PTPRD: variants seen among roughly 807,000 people sequenced by gnomAD.
PTPRD encodes receptor-type tyrosine-protein phosphatase delta.
In PTPRD, 34 loss-of-function variants were observed where a neutral mutation model predicts 214.5. The ratio of observed to expected loss-of-function variants is 0.16; its 90% CI spans 0.12 to 0.21. PTPRD has a LOEUF of 0.21. PTPRD is among the 10% of genes least tolerant of loss of function. The pLI, the probability that PTPRD is intolerant of heterozygous loss-of-function variation, is 1.00. For missense variants in PTPRD, 2,545 were observed against 2,398.7 expected, an observed-to-expected ratio of 1.06 and a Z score of -1.27; for synonymous variants, 1,128 against 845.7, an observed-to-expected ratio of 1.33 and a Z score of -5.79.
intron 2 of PTPRD, among the ~76,000 whole-genome samples, chr9:10,504,532 A>T (rs1459081072): frequency 6.6e-6 from 1 of 152,178 alleles, no homozygotes; most frequent in Non-Finnish European, 1.5e-5. Flanking sequence ...TTGGAAGCAG[A>T]AGGGAGAGCC....
At chr9:10,201,895 T>G (rs1174887577) in intron 3 of PTPRD, among the ~76,000 whole-genome samples, 3 of 144,502 alleles carry the variant, frequency 2.1e-5, no homozygotes, top group Non-Finnish European at 3.0e-5. Flanking sequence ...CAATTTTCAG[T>G]AAACTTTTTT....
chr9:9,930,264 A>C (rs1479473434), intron 5 of PTPRD, among the ~76,000 whole-genome samples: 1 of 152,194 alleles, frequency 6.6e-6, no homozygotes, highest in Non-Finnish European at 1.5e-5. Context: ...TTAGAGTCAC[A>C]GAATTGGGAA....
At chr9:9,082,900 G>C (rs764595675) in intron 10 of PTPRD, among the ~76,000 whole-genome samples, 1 of 152,144 alleles carries the variant, frequency 6.6e-6, no homozygotes, top group Non-Finnish European at 1.5e-5. Context: ...GGAAAACAGA[G>C]AGGATACAAA....
At chr9:8,883,508 C>A (rs570356025) in intron 11 of PTPRD, among the ~76,000 whole-genome samples, 51 of 152,196 alleles carry the variant, frequency 3.4e-4, no homozygotes, top group Non-Finnish European at 6.8e-4. Context: ...ATGACAATTT[C>A]TTCCAAACAC....
At chr9:8,829,950 T>C (rs1184764996) in intron 11 of PTPRD, among the ~76,000 whole-genome samples, 2 of 152,238 alleles carry the variant, frequency 1.3e-5, no homozygotes, top group Non-Finnish European at 2.9e-5. Context: ...AACATTATTA[T>C]AATGTAGCTG....
chr9:10,087,068 A>G (rs2098352749), intron 3 of PTPRD, among the ~76,000 whole-genome samples: 1 of 151,574 alleles, frequency 6.6e-6, no homozygotes, highest in African/African-American at 2.4e-5. Flanking sequence ...TGGGATAAAT[A>G]TTTTTAAGAA....
rs1569568586 is a variant in PTPRD at position 9,467,234 on chromosome 9, T to TTTTTTTC, written c.-236-69753_-236-69752insGAAAAAA. Among the ~76,000 whole-genome samples the TTTTTTTC allele has an allele frequency of 7.7e-4, 95 of 122,920 alleles. 1 individual carries two copies. Among genetic ancestry groups the TTTTTTTC allele is most frequent in the East Asian group, 1.1e-3 (4 of 3,660 alleles). The allele number at this position is 122,920 out of a possible 152,430, so 80.6% of individuals were successfully genotyped here. A position where few individuals can be genotyped will look rare whatever the true frequency, so the allele number is the denominator to read the frequency against. ...TTATCTTTTTTTTTTTTTTTTTTTTTTTTAACCTAATGCTTCCCAGTTTTT... is the reference window on the plus strand; with the variant it reads ...TTATCTTTTTTTTTTTTTTTTTTTTTTTTTTTCTTTAACCTAATGCTTCCCAGTTTTT... On this transcript the variant is annotated intron_variant, in intron 8 of 45. Transcript: ENST00000381196.
At chr9:9,119,864 G>A (rs535791801) in intron 10 of PTPRD, among the ~76,000 whole-genome samples, 1 of 151,142 alleles carries the variant, frequency 6.6e-6, no homozygotes, top group East Asian at 2.0e-4. Context: ...CACAGAGAAA[G>A]ATGACTACAC....
chr9:9,047,782 A>T (rs993710939), intron 10 of PTPRD, among the ~76,000 whole-genome samples: 1 of 152,116 alleles, frequency 6.6e-6, no homozygotes, highest in Non-Finnish European at 1.5e-5. Flanking sequence ...AAAACTACTA[A>T]AAGAAAACAT....
chr9:9,381,232 T>C (rs889332894), intron 9 of PTPRD, among the ~76,000 whole-genome samples: 3 of 152,128 alleles, frequency 2.0e-5, no homozygotes, highest in East Asian at 1.9e-4. Context: ...TTGTTACTAT[T>C]TTTTTCTATT....
At position 10,117,708 on chromosome 9, in the gene PTPRD, T is replaced by C. The variant is rs180812416; in HGVS notation, c.-544-83918A>G. Among the ~76,000 whole-genome samples, 582 of 151,910 alleles carry C rather than the reference T, an allele frequency of 3.8e-3. 3 individuals are homozygous for C. The highest frequency in any genetic ancestry group is 0.013 in the African/African-American group (556 of 41,498). ...CCTTGAGAAAAGACCCTATTTTCAG[T>C]TAAGGGCATTTTCACAGGAACTGGG... On this transcript the variant is annotated intron_variant, in intron 3 of 45. Transcript: ENST00000381196.
At chr9:9,303,741 A>C (rs1276691744) in intron 9 of PTPRD, among the ~76,000 whole-genome samples, 2 of 152,128 alleles carry the variant, frequency 1.3e-5, no homozygotes, top group Non-Finnish European at 2.9e-5. Context: ...AGGGAATCCT[A>C]AAGTGAACCA....
chr9:8,811,101 C>T (rs2096793133), intron 11 of PTPRD, among the ~76,000 whole-genome samples: 1 of 152,146 alleles, frequency 6.6e-6, no homozygotes, highest in Non-Finnish European at 1.5e-5. Context: ...GGGGATCTGA[C>T]TTACGGCACA....
chr9:8,387,521 G>A (rs1317389751), intron 37 of PTPRD, among the ~76,000 whole-genome samples: 1 of 152,184 alleles, frequency 6.6e-6, no homozygotes, highest in Non-Finnish European at 1.5e-5. Context: ...CTTGTTACCA[G>A]CAGTTATCTC....
At chr9:8,662,808 G>A (rs369273224) in intron 12 of PTPRD, among the ~76,000 whole-genome samples, 1 of 152,070 alleles carries the variant, frequency 6.6e-6, no homozygotes, top group East Asian at 1.9e-4. Flanking sequence ...ATTCATTTCT[G>A]AAAACAACTG....
chr9:9,088,207 G>T (rs770982436), intron 10 of PTPRD, among the ~76,000 whole-genome samples: 8 of 151,460 alleles, frequency 5.3e-5, no homozygotes, highest in Admixed American at 1.3e-4. Context: ...TGATTCTTGT[G>T]TCCTCATTCT....
chr9:10,027,299 G>A (rs2096942555), intron 4 of PTPRD, among the ~76,000 whole-genome samples: 1 of 152,108 alleles, frequency 6.6e-6, no homozygotes, highest in Admixed American at 6.5e-5. Context: ...GTTAAAAATA[G>A]TTGTTTGAGA....
intron 11 of PTPRD, among the ~76,000 whole-genome samples, chr9:8,961,162 G>A (rs1213367674): frequency 6.6e-6 from 1 of 152,214 alleles, no homozygotes; most frequent in South Asian, 2.1e-4. Context: ...GACAGGGGAA[G>A]ACTTCAGAGA....
At chr9:8,646,888 C>G (rs1218197902) in intron 12 of PTPRD, among the ~76,000 whole-genome samples, 1 of 152,174 alleles carries the variant, frequency 6.6e-6, no homozygotes, top group Non-Finnish European at 1.5e-5. Context: ...ATCCCCTAAT[C>G]CTGGACTATA....
Sources: allele counts gnomAD v4.1 joint callset (sites outside exome capture counted in the v4.1 genomes callset), GRCh38; gene constraint gnomAD v4.1.1; transcripts MANE v1.5; gene names NCBI Gene and HGNC (gene_info 2026-07-23, HGNC 2026-07-21).